ELAVL2: variants seen among roughly 807,000 people sequenced by gnomAD.
ELAVL2 encodes ELAV like RNA binding protein 2, also known as ELAV-like protein 2.
Under a neutral mutation model 34.6 loss-of-function variants are expected in ELAVL2, and 4 were observed. The observed-to-expected ratio is 0.12, with a 90% CI of 0.06 to 0.26. The LOEUF (loss-of-function observed/expected upper bound fraction) is 0.26. ELAVL2 is among the 10% of genes least tolerant of loss of function. The probability of loss-of-function intolerance (pLI) is 1.00; values close to 1 mark genes in which losing one functional copy is unlikely to be tolerated. For synonymous variants in ELAVL2, 193 were observed against 154.8 expected (o/e 1.25, Z -1.83); for missense variants, 432 against 442.8 (o/e 0.98, Z 0.22).
intron 2 of ELAVL2, among the ~76,000 whole-genome samples, chr9:23,756,092 A>G (rs1208921168): frequency 6.6e-6 from 1 of 152,202 alleles, no homozygotes; most frequent in African/African-American, 2.4e-5. Flanking sequence ...GTTTAAAAAG[A>G]AGAGAATCCT....
At chr9:23,704,587 T>C (rs2038680945) in intron 4 of ELAVL2, among the ~76,000 whole-genome samples, 1 of 152,152 alleles carries the variant, frequency 6.6e-6, no homozygotes, top group Non-Finnish European at 1.5e-5. Flanking sequence ...AGAAAGGTTG[T>C]TTATTAGTAC....
At chr9:23,818,596 G>A (rs1451722500) in intron 1 of ELAVL2, among the ~76,000 whole-genome samples, 2 of 152,136 alleles carry the variant, frequency 1.3e-5, no homozygotes, top group Non-Finnish European at 2.9e-5. Context: ...TTTCCACAGG[G>A]TGGCACACCA....
At chr9:23,693,537 G>A in intron 5 of ELAVL2, 51 bp from the exon 6 acceptor site, 1 of 1,608,370 alleles carries the variant, frequency 6.2e-7, no homozygotes, top group Non-Finnish European at 8.5e-7. Flanking sequence ...TCCCCTTGAT[G>A]TTCAAGAAAG....
intron 5 of ELAVL2, among the ~76,000 whole-genome samples, chr9:23,698,726 GTTTC>G (rs1457362575): frequency 3.3e-5 from 5 of 152,116 alleles, no homozygotes; most frequent in African/African-American, 4.8e-5. Context: ...CTTAATTCAA[GTTTC>G]TTTATCAGGT....
intron 2 of ELAVL2, among the ~76,000 whole-genome samples, chr9:23,759,763 T>TATATATATATATAG (rs2135935915): frequency 9.0e-6 from 1 of 110,746 alleles, no homozygotes; most frequent in Non-Finnish European, 1.7e-5. Context: ...ATTATATATA[T>TATATATATATATAG]ATATATATAT....
chr9:23,695,871 G>C (rs2034994284), intron 5 of ELAVL2, among the ~76,000 whole-genome samples: 1 of 152,164 alleles, frequency 6.6e-6, no homozygotes, highest in Non-Finnish European at 1.5e-5. Context: ...TGTGATGCAT[G>C]ACTGTACATG....
At chr9:23,809,485 G>A (rs1172111243) in intron 1 of ELAVL2, among the ~76,000 whole-genome samples, 1 of 152,110 alleles carries the variant, frequency 6.6e-6, no homozygotes, top group Non-Finnish European at 1.5e-5. Flanking sequence ...TCTAAGACAT[G>A]AGAAAACATG....
chr9:23,718,573 A>C (rs1415389709), intron 3 of ELAVL2, among the ~76,000 whole-genome samples: 1 of 152,210 alleles, frequency 6.6e-6, no homozygotes, highest in Non-Finnish European at 1.5e-5. Flanking sequence ...TAAGGCACGT[A>C]TGATAAAGGA....
chr9:23,758,023 G>A (rs778423694), intron 2 of ELAVL2, among the ~76,000 whole-genome samples: 8 of 152,212 alleles, frequency 5.3e-5, no homozygotes, highest in Non-Finnish European at 1.0e-4. Flanking sequence ...AAATCTTCCT[G>A]TAGAGTGACT....
At chr9:23,812,668 CAATGATTTTTT>C (rs1199534418) in intron 1 of ELAVL2, among the ~76,000 whole-genome samples, 2 of 149,928 alleles carry the variant, frequency 1.3e-5, no homozygotes, top group Non-Finnish European at 3.0e-5. Context: ...AATGTACCTA[CAATGATTTTTT>C]AAAATCATAC....
At chr9:23,773,275 T>C (rs1226004936) in intron 1 of ELAVL2, among the ~76,000 whole-genome samples, 1 of 152,176 alleles carries the variant, frequency 6.6e-6, no homozygotes, top group African/African-American at 2.4e-5. Context: ...CTTCTTAGCC[T>C]CAGACCTTAT....
intron 2 of ELAVL2, among the ~76,000 whole-genome samples, chr9:23,759,251 A>T (rs951907454): frequency 6.6e-6 from 1 of 152,014 alleles, no homozygotes; most frequent in Non-Finnish European, 1.5e-5. Flanking sequence ...AAAAGAATGA[A>T]ATTCTGTCAT....
At chr9:23,739,872 T>C (rs778211040) in intron 2 of ELAVL2, among the ~76,000 whole-genome samples, 14 of 152,038 alleles carry the variant, frequency 9.2e-5, no homozygotes, top group Non-Finnish European at 1.8e-4. Flanking sequence ...CTGTACAAGA[T>C]CATTTTTTAA....
intron 2 of ELAVL2, among the ~76,000 whole-genome samples, chr9:23,734,761 T>A (rs1292346188): frequency 1.3e-5 from 2 of 152,122 alleles, no homozygotes; most frequent in African/African-American, 4.8e-5. Flanking sequence ...ATAGTGCATA[T>A]TTCTGGTTAT....
chr9:23,792,034 T>A (rs937963827), intron 1 of ELAVL2, among the ~76,000 whole-genome samples: 1 of 152,210 alleles, frequency 6.6e-6, no homozygotes, highest in South Asian at 2.1e-4. Context: ...AACTTTGTAA[T>A]GGTGCAAGAT....
chr9:23,697,022 C>T (rs1272449118), intron 5 of ELAVL2, among the ~76,000 whole-genome samples: 3 of 152,040 alleles, frequency 2.0e-5, no homozygotes, highest in African/African-American at 7.2e-5. Flanking sequence ...TATCACCTGC[C>T]TCCCTGGGGG....
At chr9:23,807,154 T>C (rs1415724188) in intron 1 of ELAVL2, among the ~76,000 whole-genome samples, 3 of 152,126 alleles carry the variant, frequency 2.0e-5, no homozygotes, top group South Asian at 2.1e-4. Context: ...TTTGCCAGAG[T>C]CCACCTCTCT....
intron 1 of ELAVL2, among the ~76,000 whole-genome samples, chr9:23,811,866 C>T (rs1303084442): frequency 6.6e-6 from 1 of 151,986 alleles, no homozygotes; most frequent in East Asian, 1.9e-4. Context: ...TCCTGGCAAA[C>T]TAGGAAATAG....
intron 1 of ELAVL2, among the ~76,000 whole-genome samples, chr9:23,820,754 G>A (rs940937931): frequency 2.0e-5 from 3 of 152,142 alleles, no homozygotes. Flanking sequence ...CCCGGCCGCC[G>A]CTGGCAGGCC....
Sources: allele counts gnomAD v4.1 joint callset (sites outside exome capture counted in the v4.1 genomes callset), GRCh38; gene constraint gnomAD v4.1.1; transcripts MANE v1.5; gene names NCBI Gene and HGNC (gene_info 2026-07-23, HGNC 2026-07-21).